CTNNA3: variants seen among roughly 807,000 people sequenced by gnomAD.
The protein encoded by CTNNA3 is catenin alpha 3, also known as catenin alpha-3.
In CTNNA3, 76 loss-of-function variants were observed where a neutral mutation model predicts 95.7. That is an observed-to-expected ratio of 0.79 (90% CI 0.66 to 0.96). The LOEUF (loss-of-function observed/expected upper bound fraction) is 0.96. CTNNA3 is among the 40% of genes least tolerant of loss of function. The probability of loss-of-function intolerance (pLI) is 0.00; values close to 1 mark genes in which losing one functional copy is unlikely to be tolerated. For missense variants in CTNNA3, 1,191 were observed against 1,089.8 expected, an observed-to-expected ratio of 1.09 and a Z score of -1.31; for synonymous variants, 431 against 374.4, an observed-to-expected ratio of 1.15 and a Z score of -1.74.
At chr10:67,140,936 A>G (rs1467258131) in intron 7 of CTNNA3, among the ~76,000 whole-genome samples, 1 of 152,246 alleles carries the variant, frequency 6.6e-6, no homozygotes, top group Non-Finnish European at 1.5e-5. Context: ...TGTTGATCAT[A>G]TGCCAAGAAA....
chr10:66,699,147 T>C (rs1847860298), intron 9 of CTNNA3, among the ~76,000 whole-genome samples: 1 of 152,182 alleles, frequency 6.6e-6, no homozygotes, highest in South Asian at 2.1e-4. Flanking sequence ...ATTCCATATC[T>C]TGTATATTGT....
intron 11 of CTNNA3, among the ~76,000 whole-genome samples, chr10:66,485,229 T>A (rs1357622673): frequency 6.6e-6 from 1 of 152,124 alleles, no homozygotes. Context: ...AAGTTGTATT[T>A]AAGGCAATCA....
At chr10:66,276,580 T>C (rs1294848092) in intron 13 of CTNNA3, among the ~76,000 whole-genome samples, 1 of 152,176 alleles carries the variant, frequency 6.6e-6, no homozygotes, top group Non-Finnish European at 1.5e-5. Flanking sequence ...AATTTGCATT[T>C]AACAGTCTAT....
intron 5 of CTNNA3, among the ~76,000 whole-genome samples, chr10:67,417,433 T>C (rs1389576800): frequency 6.6e-6 from 1 of 152,116 alleles, no homozygotes; most frequent in Non-Finnish European, 1.5e-5. Context: ...ATGTACCCCC[T>C]GTATCTACAA....
At chr10:67,154,494 C>T (rs769431289) in intron 7 of CTNNA3, among the ~76,000 whole-genome samples, 5 of 152,256 alleles carry the variant, frequency 3.3e-5, no homozygotes, top group African/African-American at 7.2e-5. Flanking sequence ...CTTTGAATTA[C>T]TAGCACTACA....
intron 9 of CTNNA3, among the ~76,000 whole-genome samples, chr10:66,763,341 C>CACAGAGAGAGAGAGAGAGAG (rs371974709): frequency 2.2e-5 from 3 of 139,104 alleles, no homozygotes; most frequent in Admixed American, 7.5e-5. Flanking sequence ...CACACACACA[C>CACAGAGAGAGAGAGAGAGAG]AGAGAGAGAG....
At chr10:67,052,208 T>G (rs1440893493) in intron 7 of CTNNA3, among the ~76,000 whole-genome samples, 4 of 152,172 alleles carry the variant, frequency 2.6e-5, no homozygotes, top group Non-Finnish European at 5.9e-5. Flanking sequence ...AAAAGTCAAT[T>G]ATTTTTAACT....
chr10:66,198,934 T>C (rs939739909), intron 13 of CTNNA3, among the ~76,000 whole-genome samples: 1 of 152,220 alleles, frequency 6.6e-6, no homozygotes, highest in Non-Finnish European at 1.5e-5. Context: ...GCTGGACTTC[T>C]AGATAATTAA....
chr10:66,429,106 T>A (rs1249835838), intron 11 of CTNNA3, among the ~76,000 whole-genome samples: 2 of 152,012 alleles, frequency 1.3e-5, no homozygotes, highest in African/African-American at 4.8e-5. Flanking sequence ...CAAACTACCG[T>A]CAGAGAATAC....
intron 5 of CTNNA3, among the ~76,000 whole-genome samples, chr10:67,283,243 T>C (rs1371618719): frequency 6.6e-6 from 1 of 152,186 alleles, no homozygotes; most frequent in Admixed American, 6.5e-5. Flanking sequence ...AAGGTGGTTG[T>C]TATACAGTCT....
At chr10:67,047,531 T>A (rs1388713021) in intron 7 of CTNNA3, among the ~76,000 whole-genome samples, 1 of 152,158 alleles carries the variant, frequency 6.6e-6, no homozygotes, top group East Asian at 1.9e-4. Flanking sequence ...GAAACATGTG[T>A]GCTTCTTGTC....
chr10:66,805,758 C>T (rs1026387534), intron 7 of CTNNA3, among the ~76,000 whole-genome samples: 12 of 151,894 alleles, frequency 7.9e-5, no homozygotes, highest in Non-Finnish European at 1.8e-4. Flanking sequence ...AGTCATCATC[C>T]TCAGCAGGAG....
At chr10:66,336,358 C>G (rs186628112) in intron 12 of CTNNA3, among the ~76,000 whole-genome samples, 1 of 152,020 alleles carries the variant, frequency 6.6e-6, no homozygotes, top group African/African-American at 2.4e-5. Flanking sequence ...TGTTCCTATC[C>G]GGCCATCTTA....
chr10:66,185,389 G>T (rs1027958674), intron 13 of CTNNA3, among the ~76,000 whole-genome samples: 33 of 151,864 alleles, frequency 2.2e-4, no homozygotes, highest in African/African-American at 7.5e-4. Context: ...GCTTCAAAGA[G>T]CATTATTTGT....
At chr10:67,182,859 C>T (rs1470194913) in intron 6 of CTNNA3, among the ~76,000 whole-genome samples, 1 of 152,110 alleles carries the variant, frequency 6.6e-6, no homozygotes, top group East Asian at 1.9e-4. Flanking sequence ...ACAAACAACC[C>T]CATCAACAAC....
chr10:66,665,604 G>A (rs1178816002), intron 9 of CTNNA3, among the ~76,000 whole-genome samples: 1 of 152,048 alleles, frequency 6.6e-6, no homozygotes, highest in Non-Finnish European at 1.5e-5. Context: ...TATAAACATT[G>A]TCTAACTTCC....
chr10:67,077,916 G>C (rs961820679), intron 7 of CTNNA3, among the ~76,000 whole-genome samples: 1 of 152,114 alleles, frequency 6.6e-6, no homozygotes, highest in Non-Finnish European at 1.5e-5. Flanking sequence ...AGGAGGAAGG[G>C]AAGGGGACAG....
rs528849874 is a variant in CTNNA3 at position 66,337,245 on chromosome 10, G to A, written c.1732+41907C>T. On this transcript the variant is annotated intron_variant, in intron 12 of 17. Coordinates refer to ENST00000433211, the MANE Select transcript of CTNNA3 (RefSeq NM_013266.4). ...ATATCAATAAATTTAATCTGCATACGAAGGCTTTTTGTAGTCTTCAATAAT... is the reference window on the plus strand; with the variant it reads ...ATATCAATAAATTTAATCTGCATACAAAGGCTTTTTGTAGTCTTCAATAAT... Among the ~76,000 whole-genome samples the A allele has an allele frequency of 8.7e-4, 132 of 152,110 alleles. 2 individuals carry two copies. The highest frequency in any genetic ancestry group is 3.9e-4 in the Admixed American group (6 of 15,286).
intron 11 of CTNNA3, among the ~76,000 whole-genome samples, chr10:66,439,065 G>T (rs1158995245): frequency 6.6e-6 from 1 of 152,122 alleles, no homozygotes; most frequent in Non-Finnish European, 1.5e-5. Context: ...AGGTACCTCA[G>T]TTGGAAATGC....
Sources: gnomAD v4.1 joint callset for allele counts (sites outside exome capture counted in the v4.1 genomes callset) on GRCh38, gnomAD v4.1.1 for gene constraint, MANE v1.5 for transcripts, NCBI Gene and HGNC (gene_info 2026-07-23, HGNC 2026-07-21) for gene names.